ELMO1: variants seen among roughly 807,000 people sequenced by gnomAD.
ELMO1 encodes engulfment and cell motility 1.
A neutral mutation model predicts 98.9 loss-of-function variants in ELMO1; 26 were observed. That is an observed-to-expected ratio of 0.26 (90% CI 0.19 to 0.36). The LOEUF is 0.36. ELMO1 is among the 10% of genes least tolerant of loss of function. The pLI is 1.00. For synonymous variants in ELMO1, 346 were observed against 346.0 expected (o/e 1.00, Z 0.00); for missense variants, 627 against 935.2 (o/e 0.67, Z 4.30).
At chr7:37,414,969 A>G (rs1171151961) in intron 1 of ELMO1, among the ~76,000 whole-genome samples, 1 of 152,226 alleles carries the variant, frequency 6.6e-6, no homozygotes, top group East Asian at 1.9e-4. Context: ...TCTAAAGCCA[A>G]AAAAGCTATT....
At chr7:37,213,701 G>T (rs865845385) in intron 11 of ELMO1, among the ~76,000 whole-genome samples, 1 of 152,108 alleles carries the variant, frequency 6.6e-6, no homozygotes, top group Non-Finnish European at 1.5e-5. Context: ...GGGGAAAAGC[G>T]CTGGAAAGGG....
At chr7:37,389,926 C>T (rs1483386431) in intron 1 of ELMO1, among the ~76,000 whole-genome samples, 1 of 152,042 alleles carries the variant, frequency 6.6e-6, no homozygotes, top group East Asian at 1.9e-4. Context: ...TTCCCACAGT[C>T]TCTCCCATGT....
chr7:36,926,502 C>G (rs1385100563), intron 16 of ELMO1, among the ~76,000 whole-genome samples: 2 of 152,072 alleles, frequency 1.3e-5, no homozygotes, highest in South Asian at 2.1e-4. Context: ...AGTGACCCCC[C>G]CAACTGAGGT....
At chr7:37,365,542 A>G (rs1801870893) in intron 1 of ELMO1, among the ~76,000 whole-genome samples, 1 of 151,750 alleles carries the variant, frequency 6.6e-6, no homozygotes, top group African/African-American at 2.4e-5. Context: ...CCAGCTCTCA[A>G]ACACCAACTA....
At chr7:37,051,545 G>A (rs1796109917) in intron 15 of ELMO1, among the ~76,000 whole-genome samples, 1 of 151,432 alleles carries the variant, frequency 6.6e-6, no homozygotes, top group Non-Finnish European at 1.5e-5. Flanking sequence ...TATGTTTCCT[G>A]AAACTTTGTT....
At chr7:36,920,222 G>A (rs1785037055) in intron 16 of ELMO1, among the ~76,000 whole-genome samples, 1 of 152,230 alleles carries the variant, frequency 6.6e-6, no homozygotes, top group Non-Finnish European at 1.5e-5. Context: ...AAGTCAATGA[G>A]TATGTGAAAA....
At position 36,923,803 on chromosome 7, in the gene ELMO1, G is replaced by A. The variant is rs1350090674; in HGVS notation, c.1438-28786C>T. On this transcript the variant is annotated intron_variant, in intron 16 of 21. Coordinates refer to ENST00000310758, the MANE Select transcript of ELMO1 (RefSeq NM_014800.11). The stretch of plus-strand genomic sequence containing the variant: ...GGCAGAAAAGTAGCACCAAAGAGAT[G>A]TTTGAGATAGGTCACGAATGATAAG... Among the ~76,000 whole-genome samples the A allele has an allele frequency of 6.6e-5, 10 of 152,318 alleles. No homozygotes were observed. In the East Asian group the frequency reaches 1.9e-3, roughly 29 times the overall value.
chr7:37,168,568 A>C (rs1357728357), intron 13 of ELMO1, among the ~76,000 whole-genome samples: 2 of 152,152 alleles, frequency 1.3e-5, no homozygotes, highest in Non-Finnish European at 2.9e-5. Flanking sequence ...CAGGACCCTC[A>C]GTTGCAGGTC....
At chr7:37,125,277 T>C (rs533946395) in intron 14 of ELMO1, among the ~76,000 whole-genome samples, 11 of 152,078 alleles carry the variant, frequency 7.2e-5, no homozygotes, top group African/African-American at 2.7e-4. Context: ...AAAGCCAAAA[T>C]TGACAAATGG....
intron 13 of ELMO1, among the ~76,000 whole-genome samples, chr7:37,189,458 T>C (rs935078366): frequency 6.6e-6 from 1 of 152,144 alleles, no homozygotes; most frequent in African/African-American, 2.4e-5. Flanking sequence ...AATGAGTGTA[T>C]ATAACATATG....
intron 15 of ELMO1, among the ~76,000 whole-genome samples, chr7:37,061,450 G>A (rs1475582240): frequency 2.0e-5 from 3 of 152,300 alleles, no homozygotes; most frequent in East Asian, 1.9e-4. Context: ...GTTGCCCCCA[G>A]AATTCAATCC....
chr7:37,041,871 T>C (rs930528081), intron 15 of ELMO1, among the ~76,000 whole-genome samples: 1 of 152,138 alleles, frequency 6.6e-6, no homozygotes, highest in African/African-American at 2.4e-5. Context: ...TTGACCTTAT[T>C]TTCTATGTTG....
intron 16 of ELMO1, among the ~76,000 whole-genome samples, chr7:36,980,091 G>T (rs1005341928): frequency 1.3e-4 from 20 of 152,320 alleles, no homozygotes; most frequent in African/African-American, 4.6e-4. Context: ...CAAAGCGCAA[G>T]GCTGCAGCCC....
chr7:36,855,617 G>T lies in ELMO1; in HGVS notation c.2118C>A (p.Ile706=). ...TGGGAATCGGCGGAGGTGCGTCAGG[G>T]ATCTGGATGTTTTCCAGGTCCAGGA... ...LRLLDLENIQ[I]PDAPPPIPKE... Residue 706 remains isoleucine, a synonymous_variant, in exon 22 of 22, where the codon ATC becomes ATA. Transcript: ENST00000310758. This position sits in a 1 kb window ranked among gnomAD's most constrained non-coding sequence, Gnocchi z 4.2. 6.2e-7 allele frequency: 1 copy of T among 1,614,126 alleles called. No homozygotes were observed. Among genetic ancestry groups the T allele is most frequent in the Admixed American group, 1.7e-5 (1 of 60,032 alleles).
chr7:37,234,567 C>T (rs571585310), intron 7 of ELMO1, among the ~76,000 whole-genome samples: 4 of 152,292 alleles, frequency 2.6e-5, no homozygotes, highest in African/African-American at 4.8e-5. Context: ...TAAACGAAAA[C>T]GGCTAAGTAG....
At chr7:36,923,303 T>C (rs969605847) in intron 16 of ELMO1, among the ~76,000 whole-genome samples, 4 of 152,216 alleles carry the variant, frequency 2.6e-5, no homozygotes, top group African/African-American at 9.7e-5. Context: ...TATCCTGAAA[T>C]TGGACTCACA....
At chr7:36,907,725 G>C (rs1584349414) in intron 16 of ELMO1, among the ~76,000 whole-genome samples, 4 of 152,264 alleles carry the variant, frequency 2.6e-5, no homozygotes, top group Admixed American at 2.6e-4. Context: ...TCCTTTGGAG[G>C]ACACAGAATA....
chr7:37,179,083 T>C (rs943383770), intron 13 of ELMO1, among the ~76,000 whole-genome samples: 2 of 152,096 alleles, frequency 1.3e-5, no homozygotes, highest in Admixed American at 1.3e-4. Flanking sequence ...TGCCGGAAGC[T>C]AGGTAAAGGG....
At chr7:37,408,602 T>A in intron 1 of ELMO1, among the ~76,000 whole-genome samples, 1 of 152,270 alleles carries the variant, frequency 6.6e-6, no homozygotes, top group East Asian at 1.9e-4. Flanking sequence ...GATCTTGTCA[T>A]GTGCTACAAC....
Sources: allele counts gnomAD v4.1 joint callset (sites outside exome capture counted in the v4.1 genomes callset), GRCh38; gene constraint gnomAD v4.1.1; non-coding constraint Gnocchi (gnomAD v3.1); transcripts MANE v1.5; gene names NCBI Gene and HGNC (gene_info 2026-07-23, HGNC 2026-07-21).